METTL21A: variants seen among roughly 807,000 people sequenced by gnomAD.
The protein encoded by METTL21A is methyltransferase 21A, HSPA lysine.
Under a neutral mutation model 20.9 loss-of-function variants are expected in METTL21A, and 22 were observed. The observed-to-expected ratio is 1.05, with a 90% CI of 0.75 to 1.50. The LOEUF is 1.50. Ranked by LOEUF, METTL21A falls within the 40% of genes most tolerant of loss-of-function variation. METTL21A has a pLI of 0.00. For missense variants in METTL21A, 271 were observed against 266.8 expected, an observed-to-expected ratio of 1.02 and a Z score of -0.11; for synonymous variants, 93 against 102.0, an observed-to-expected ratio of 0.91 and a Z score of 0.53.
intron 3 of METTL21A, among the ~76,000 whole-genome samples, chr2:207,618,744 GTCTCTC>G (rs141526481): frequency 3.3e-5 from 5 of 151,688 alleles, no homozygotes; most frequent in African/African-American, 1.2e-4. Flanking sequence ...TGTGAATGTG[GTCTCTC>G]TCTCTCTCTA....
chr2:207,600,886 G>A lies in METTL21A; in HGVS notation c.260-18726C>T, dbSNP rs1296612993. ...GAAGAAATACGTTTGTTTAAACCAG[G>A]ATGCTTTACTTACTTGAAGTGACTT... On this transcript the variant is annotated intron_variant, in intron 3 of 3. Transcript: ENST00000425132. 5 of 203,010 alleles carry A rather than the reference G, an allele frequency of 2.5e-5. No homozygotes were observed. The East Asian group carries it at 3.8e-4, about 15-fold the overall frequency. The allele number at this position is 203,010 out of a possible 1,614,324, so 12.6% of individuals were successfully genotyped here. A position where few individuals can be genotyped will look rare whatever the true frequency, so the allele number is the denominator to read the frequency against.
chr2:207,613,016 A>G (rs1462778954), exon 4 of METTL21A: 3 of 1,525,770 alleles, frequency 2.0e-6, no homozygotes, highest in Non-Finnish European at 2.6e-6. Flanking sequence ...TGACACACTC[A>G]ATGACAACAT....
At chr2:207,592,386 C>T (rs1024656814) in intron 3 of METTL21A, among the ~76,000 whole-genome samples, 26 of 152,100 alleles carry the variant, frequency 1.7e-4, no homozygotes, top group African/African-American at 6.3e-4. Flanking sequence ...AGCCTGGCAA[C>T]AGAGCAAGAC....
chr2:207,592,849 G>GTTGCAGTGAGTCCAGA (rs2085327428), intron 3 of METTL21A, among the ~76,000 whole-genome samples: 1 of 148,896 alleles, frequency 6.7e-6, no homozygotes, highest in Non-Finnish European at 1.5e-5. Context: ...GGAGGTGGAG[G>GTTGCAGTGAGTCCAGA]TTGCAGTGAG....
At chr2:207,621,276 G>T (rs1402959673) in intron 3 of METTL21A, among the ~76,000 whole-genome samples, 1 of 152,192 alleles carries the variant, frequency 6.6e-6, no homozygotes. Context: ...TATCAAGTCA[G>T]AACTGTATAC....
intron 3 of METTL21A, among the ~76,000 whole-genome samples, chr2:207,583,332 C>T (rs900090355): frequency 6.6e-6 from 1 of 152,122 alleles, no homozygotes; most frequent in Non-Finnish European, 1.5e-5. Context: ...GCTTTAACCA[C>T]GTGGCTCATT....
intron 3 of METTL21A, chr2:207,600,518 C>A: frequency 4.8e-6 from 1 of 207,218 alleles, no homozygotes; most frequent in Middle Eastern, 1.5e-3. Flanking sequence ...AGCCTCTCCC[C>A]CAAAAGTATT....
chr2:207,595,898 A>T (rs556897699), intron 3 of METTL21A, among the ~76,000 whole-genome samples: 17 of 152,312 alleles, frequency 1.1e-4, no homozygotes, highest in Admixed American at 9.8e-4. Context: ...TAGCAGATAT[A>T]TGATTTGCAG....
At chr2:207,582,606 A>G (rs772627585) in intron 3 of METTL21A, among the ~76,000 whole-genome samples, 16 of 152,208 alleles carry the variant, frequency 1.1e-4, no homozygotes, top group South Asian at 8.3e-4. Context: ...TTCTGAGACT[A>G]CAAGATTGTC....
At chr2:207,616,257 A>G (rs2089723538) in intron 3 of METTL21A, among the ~76,000 whole-genome samples, 4 of 152,164 alleles carry the variant, frequency 2.6e-5, no homozygotes, top group Admixed American at 2.6e-4. Flanking sequence ...TTAACAGTAC[A>G]CAGAGCACTC....
chr2:207,614,380 CAA>C (rs11287948), intron 3 of METTL21A, among the ~76,000 whole-genome samples: 2 of 148,086 alleles, frequency 1.4e-5, no homozygotes, highest in African/African-American at 2.5e-5. Context: ...CACCCAGTCT[CAA>C]AAAAAAAAAA....
chr2:207,624,528 A>C (rs1242811775), intron 1 of METTL21A, 124 bp from the exon 2 acceptor site: 2 of 863,482 alleles, frequency 2.3e-6, no homozygotes, highest in African/African-American at 3.5e-5. Flanking sequence ...AGGTGGAGGA[A>C]GCCTTTGTCC....
intron 3 of METTL21A, among the ~76,000 whole-genome samples, chr2:207,594,806 A>G (rs1215716447): frequency 6.6e-6 from 1 of 152,112 alleles, no homozygotes; most frequent in Non-Finnish European, 1.5e-5. Context: ...TCCATTTTCC[A>G]TAGCAGCTGC....
intron 3 of METTL21A, among the ~76,000 whole-genome samples, chr2:207,592,747 C>T (rs1478440883): frequency 6.6e-6 from 1 of 151,844 alleles, no homozygotes; most frequent in East Asian, 1.9e-4. Flanking sequence ...GGTGAAACCC[C>T]GTCTCTACTA....
Position 207,621,829 on chromosome 2 carries a change from A to T in METTL21A, c.236T>A (p.Val79Glu), listed in dbSNP as rs1412348073. The change falls in exon 3 of 4, where the codon GTG (valine) becomes GAG (glutamate). Residue 79 changes from valine to glutamate, a missense_variant. By Grantham distance (121) the Val-to-Glu change is moderately radical (BLOSUM62 -2). Transcript: ENST00000406927. ...ACCCAGCAGGGCAGCCACTATGCCC[A>T]CCAGCCCCGTGCCAGCACCCAGCTC... The T allele has an allele frequency of 4.3e-6, 7 of 1,614,048 alleles. No homozygotes were observed. The Admixed American group carries it at 5.0e-5, about 12-fold the overall frequency.
At chr2:207,599,944 A>G (rs1378676723) in intron 3 of METTL21A, 2 of 193,176 alleles carry the variant, frequency 1.0e-5, no homozygotes, top group Non-Finnish European at 2.2e-5. Flanking sequence ...TTGCAAATAT[A>G]GGGCCATGTG....
At chr2:207,606,695 CACTA>C (rs2088167984), downstream of METTL21A, among the ~76,000 whole-genome samples, 2 of 152,136 alleles carry the variant, frequency 1.3e-5, no homozygotes, top group Non-Finnish European at 2.9e-5. Context: ...CTTCGTCTAA[CACTA>C]ACACAAATTA....
intron 3 of METTL21A, among the ~76,000 whole-genome samples, chr2:207,590,133 TTTC>T (rs1416375652): frequency 1.4e-5 from 2 of 144,474 alleles, no homozygotes; most frequent in African/African-American, 5.1e-5. Context: ...ATTCAGACTA[TTTC>T]TTCTTCAGTG....
At chr2:207,622,281 A>C (rs962702823) in intron 2 of METTL21A, among the ~76,000 whole-genome samples, 1 of 146,718 alleles carries the variant, frequency 6.8e-6, no homozygotes, top group Non-Finnish European at 1.5e-5. Context: ...CGATTCTCCC[A>C]CCTCAGCACC....
Sources: allele counts gnomAD v4.1 joint callset (sites outside exome capture counted in the v4.1 genomes callset), GRCh38; gene constraint gnomAD v4.1.1; transcripts MANE v1.5; gene names NCBI Gene and HGNC (gene_info 2026-07-23, HGNC 2026-07-21).